Variants in CREBBP observed in about 807,000 individuals in gnomAD.
The protein encoded by CREBBP is CREB binding lysine acetyltransferase.
CREBBP carries 19 observed loss-of-function variants against 265.0 expected under a neutral mutation model. The observed-to-expected ratio is 0.07, with a 90% CI of 0.05 to 0.11. The LOEUF (loss-of-function observed/expected upper bound fraction) is 0.11, where lower values mean the gene tolerates loss of function less well. Ranked by LOEUF, CREBBP falls within the 10% of genes least tolerant of loss-of-function variation. CREBBP has a pLI of 1.00. For missense variants in CREBBP, 2,525 were observed against 3,219.0 expected, an observed-to-expected ratio of 0.78 and a Z score of 5.22; for synonymous variants, 1,457 against 1,223.7, an observed-to-expected ratio of 1.19 and a Z score of -3.98.
At chr16:3,786,414 C>G (rs757457662) in intron 5 of CREBBP, among the ~76,000 whole-genome samples, 1 of 152,128 alleles carries the variant, frequency 6.6e-6, no homozygotes, top group African/African-American at 2.4e-5. Flanking sequence ...TCTGTACAGT[C>G]TATGTTGCTG....
chr16:3,810,064 G>A (rs1397982969), intron 3 of CREBBP, among the ~76,000 whole-genome samples: 2 of 152,164 alleles, frequency 1.3e-5, no homozygotes, highest in Non-Finnish European at 2.9e-5. Context: ...GATTCATCAG[G>A]TTGAGAAGTG....
At chr16:3,729,942 C>T (rs758328270) in intron 30 of CREBBP, 68 bp from the exon 31 acceptor site, 1 of 1,577,712 alleles carries the variant, frequency 6.3e-7, no homozygotes, top group African/African-American at 1.3e-5. Flanking sequence ...ATCCTGGCTG[C>T]TTCCCTCCAC....
At chr16:3,856,805 T>C (rs1231090814) in intron 1 of CREBBP, among the ~76,000 whole-genome samples, 1 of 152,174 alleles carries the variant, frequency 6.6e-6, no homozygotes, top group Non-Finnish European at 1.5e-5. Flanking sequence ...ATATTTTATA[T>C]TTAAGTTTGG....
At position 3,769,363 on chromosome 16, in the gene CREBBP, A is replaced by C. The variant is rs2141193022; in HGVS notation, c.2881-10T>G. The C allele has an allele frequency of 3.1e-6, 5 of 1,614,138 alleles. No homozygotes were observed. Among genetic ancestry groups the C allele is most frequent in the Non-Finnish European group, 4.2e-6 (5 of 1,180,018 alleles). On this transcript the variant is annotated splice_polypyrimidine_tract_variant and intron_variant, in intron 14 of 30. Coordinates refer to ENST00000262367, the MANE Select transcript of CREBBP (RefSeq NM_004380.3). ...CTGCTGCCTGGGAAAGCTGTGAAAA[A>C]ACCGAAAGCACTGACTTCAGTAAGC...
rs756387018 is a variant in CREBBP, at chr16:3,728,633, G to C, written c.6414C>G (p.Ser2138Arg). ...CCTGCATGGCATTCAGGTTCTGCAG[G>C]CTGGGCTGCTGGTGCATGCCAGGCT... Reference protein sequence around the residue: ...QPQPGMHQQPSLQNLNAMQAG... With the variant: ...QPQPGMHQQPRLQNLNAMQAG... The change falls in exon 31 of 31, where the codon AGC (serine) becomes AGG (arginine). Residue 2138 changes from serine to arginine, a missense_variant. Around this residue, in one of 19 missense-constraint regions of CREBBP, gnomAD observed 473 missense variants for 459.3 expected, o/e 1.03. Transcript: ENST00000262367. The surrounding 1 kb of genome is among the most constrained non-coding windows in gnomAD (Gnocchi z 8.7). The C allele has an allele frequency of 1.9e-6, 3 of 1,613,616 alleles. No homozygotes were observed. In the Admixed American group the frequency reaches 5.0e-5, roughly 27 times the overall value.
At chr16:3,771,802 C>CCT (rs1467432372) in intron 13 of CREBBP, among the ~76,000 whole-genome samples, 114 of 131,920 alleles carry the variant, frequency 8.6e-4, no homozygotes, top group African/African-American at 3.1e-3. Flanking sequence ...CAATTTAAAA[C>CCT]TTTTTTTTTT....
intron 2 of CREBBP, among the ~76,000 whole-genome samples, chr16:3,812,225 C>A (rs1414079622): frequency 1.3e-5 from 2 of 152,082 alleles, no homozygotes; most frequent in Non-Finnish European, 2.9e-5. Flanking sequence ...GTCACCCAGG[C>A]TGGAGTGCAG....
At chr16:3,840,200 A>C (rs2054539697) in intron 2 of CREBBP, among the ~76,000 whole-genome samples, 1 of 152,234 alleles carries the variant, frequency 6.6e-6, no homozygotes, top group African/African-American at 2.4e-5. Context: ...AGATGACTTC[A>C]CGTGAAAAAG....
intron 3 of CREBBP, among the ~76,000 whole-genome samples, chr16:3,795,492 T>A (rs957833498): frequency 6.6e-6 from 1 of 152,226 alleles, no homozygotes; most frequent in Non-Finnish European, 1.5e-5. Context: ...TTCTGCCCCA[T>A]ACCACTAAAC....
intron 8 of CREBBP, 75 bp downstream of exon 8, chr16:3,780,657 T>G (rs1596915580): frequency 2.0e-6 from 3 of 1,492,176 alleles, no homozygotes; most frequent in East Asian, 2.3e-5. Context: ...GCTCCTAGGG[T>G]ACTGTCATCT....
chr16:3,870,972 C>G (rs1249580183), intron 1 of CREBBP, among the ~76,000 whole-genome samples: 1 of 144,382 alleles, frequency 6.9e-6, no homozygotes, highest in African/African-American at 2.6e-5. Context: ...CTTGGGCAAG[C>G]AAGACCCCAT....
At chr16:3,830,619 G>A (rs1288209952) in intron 2 of CREBBP, among the ~76,000 whole-genome samples, 1 of 152,064 alleles carries the variant, frequency 6.6e-6, no homozygotes, top group Non-Finnish European at 1.5e-5. Context: ...CTTACATTTT[G>A]TTCTGACTAA....
rs373419582 is a variant in CREBBP at position 3,731,160 on chromosome 16, G to A, written c.5172+32C>T. Reference sequence around the variant, plus strand: ...GGATGCTTCGTCAGACCCCAGGCCGGCTGTGGGGGTGGGGGTGGGGGCAGG... The same window carrying A: ...GGATGCTTCGTCAGACCCCAGGCCGACTGTGGGGGTGGGGGTGGGGGCAGG... On this transcript the variant is annotated intron_variant, in intron 30 of 30. Coordinates refer to ENST00000262367, the MANE Select transcript of CREBBP (RefSeq NM_004380.3). This position sits in a 1 kb window ranked among gnomAD's most constrained non-coding sequence, Gnocchi z 7.7. 6.2e-7 allele frequency: 1 copy of A among 1,601,584 alleles called. No individual in the cohort carries two copies. Among genetic ancestry groups the A allele is most frequent in the Non-Finnish European group, 8.5e-7 (1 of 1,172,900 alleles).
At position 3,773,827 on chromosome 16, in the gene CREBBP, T is replaced by C. The variant is rs771355012; in HGVS notation, c.2387A>G (p.Gln796Arg). The C allele has an allele frequency of 7.4e-6, 12 of 1,613,032 alleles. No homozygotes were observed. The highest frequency in any genetic ancestry group is 8.5e-6 in the Non-Finnish European group (10 of 1,180,034). The change falls in exon 13 of 31, where the codon CAG becomes CGG. Residue 796 changes from glutamine (Q) to arginine (R), a missense_variant. Physicochemically the swap from Gln to Arg is conservative, Grantham distance 43. This residue lies in a region of CREBBP where 548 missense variants were observed against 533.0 expected (regional missense o/e 1.03). Transcript: ENST00000262367. Reference sequence around the variant, plus strand: ...CCCGCTGGATGACGGGAACTGGTTCTGTGGCAGAAACTGGCTCTGAGCGGG... The same window carrying C: ...CCCGCTGGATGACGGGAACTGGTTCCGTGGCAGAAACTGGCTCTGAGCGGG... ...QAPAQSQFLP[Q>R]NQFPSSSGAM...
chr16:3,792,157 C>T (rs2078225073), intron 4 of CREBBP, 63 bp from the exon 5 acceptor site: 2 of 1,287,612 alleles, frequency 1.6e-6, no homozygotes, highest in Non-Finnish European at 2.3e-6. Flanking sequence ...TTCAATTATA[C>T]CTAAATTATA....
At chr16:3,841,900 T>C (rs1264709981) in intron 2 of CREBBP, among the ~76,000 whole-genome samples, 1 of 152,158 alleles carries the variant, frequency 6.6e-6, no homozygotes, top group Admixed American at 6.5e-5. Flanking sequence ...GAGGCAGAAA[T>C]CTGTCTTGAC....
At chr16:3,825,940 G>C (rs954948616) in intron 2 of CREBBP, among the ~76,000 whole-genome samples, 6 of 152,220 alleles carry the variant, frequency 3.9e-5, no homozygotes, top group African/African-American at 1.2e-4. Flanking sequence ...AGCAAGATGA[G>C]GCCAGGCATG....
chr16:3,751,303 G>T (rs3025689), intron 20 of CREBBP, among the ~76,000 whole-genome samples: 1 of 152,002 alleles, frequency 6.6e-6, no homozygotes, highest in South Asian at 2.1e-4. Flanking sequence ...TAGTTAATAT[G>T]AAACAAACCC....
chr16:3,774,749 T>C (rs2053096222), intron 11 of CREBBP, 56 bp from the exon 12 acceptor site: 2 of 1,609,360 alleles, frequency 1.2e-6, no homozygotes, highest in Non-Finnish European at 1.7e-6. Flanking sequence ...AAAACAGAAT[T>C]ACAACTTGCT....
Sources: gnomAD v4.1 joint callset for allele counts (sites outside exome capture counted in the v4.1 genomes callset) on GRCh38, gnomAD v4.1.1 for gene constraint, gnomAD v4.1.1 regional missense constraint, Gnocchi (gnomAD v3.1) non-coding constraint, MANE v1.5 for transcripts, NCBI Gene and HGNC (gene_info 2026-07-23, HGNC 2026-07-21) for gene names.